Variants in PIWIL4 observed in about 807,000 individuals in gnomAD.
PIWIL4 encodes piwi-like protein 4.
Under a neutral mutation model 100.9 loss-of-function variants are expected in PIWIL4, and 50 were observed. The ratio of observed to expected loss-of-function variants is 0.50; its 90% CI spans 0.39 to 0.63. The LOEUF is 0.63. Ranked by LOEUF, PIWIL4 falls within the 20% of genes least tolerant of loss-of-function variation. The probability of loss-of-function intolerance (pLI) is 0.00; values close to 1 mark genes in which losing one functional copy is unlikely to be tolerated. For missense variants in PIWIL4, 887 were observed against 1,043.3 expected (o/e 0.85, Z 2.06); for synonymous variants, 342 against 367.5 (o/e 0.93, Z 0.79).
In PIWIL4 at chr11:94,614,810, G is replaced by A. The variant is rs919336111; in HGVS notation, c.1944-1683G>A. ...ACTTCTGGTTCTCACTTGGTGGGGG[G>A]ATCCTTAAAATTGCATGCACTTTCT... On this transcript the variant is annotated intron_variant, in intron 15 of 19. Transcript: ENST00000299001. 5.9e-5 allele frequency among the ~76,000 whole-genome samples: 9 copies of A among 152,248 alleles called. No individual in the cohort carries two copies. The South Asian group carries it at 1.7e-3, about 28-fold the overall frequency.
intron 4 of PIWIL4, among the ~76,000 whole-genome samples, chr11:94,583,044 A>ATGTGTGTGTGTGTG (rs58072951): frequency 2.4e-4 from 32 of 133,890 alleles, no homozygotes; most frequent in African/African-American, 8.0e-4. Context: ...ATATATATAT[A>ATGTGTGTGTGTGTG]TGTGTGTGTG....
intron 15 of PIWIL4, among the ~76,000 whole-genome samples, chr11:94,609,362 T>G (rs576151815): frequency 2.0e-5 from 3 of 152,316 alleles, no homozygotes; most frequent in Non-Finnish European, 4.4e-5. Context: ...CATTAAACTA[T>G]GGGTCTTAGA....
intron 15 of PIWIL4, among the ~76,000 whole-genome samples, chr11:94,614,297 TTTC>T (rs1374886446): frequency 1.2e-4 from 15 of 120,356 alleles, no homozygotes; most frequent in Non-Finnish European, 1.7e-4. Flanking sequence ...TGATTTTTCT[TTTC>T]TTTTTTTTTT....
Position 94,607,579 on chromosome 11 carries a change from C to G in PIWIL4, c.1779C>G (p.Thr593=), listed in dbSNP as rs772562816. The G allele has an allele frequency of 1.9e-6, 3 of 1,613,946 alleles. No individual in the cohort carries two copies. The African/African-American group carries it at 4.0e-5, about 22-fold the overall frequency. ...AGGGCATGATGATGAGTATCGCCAC[C>G]AAGATCGCTATGCAGATGACTTGCA... is the stretch of plus-strand genomic sequence containing the variant. ...NKQGMMMSIA[T]KIAMQMTCKL... is the part of the protein sequence containing the mutation. The change falls in exon 14 of 20, where the codon ACC becomes ACG. Residue 593 remains threonine, a synonymous_variant. Coordinates refer to ENST00000299001, the MANE Select transcript of PIWIL4 (RefSeq NM_152431.3).
intron 9 of PIWIL4, 50 bp from the exon 10 acceptor site, chr11:94,595,259 T>C: frequency 2.0e-6 from 3 of 1,511,608 alleles, no homozygotes; most frequent in Middle Eastern, 1.7e-4. Flanking sequence ...TTTGATGGGC[T>C]GAGTTGCTTA....
chr11:94,609,237 A>T (rs1948761611), intron 15 of PIWIL4, among the ~76,000 whole-genome samples: 1 of 152,220 alleles, frequency 6.6e-6, no homozygotes, highest in African/African-American at 2.4e-5. Context: ...TACTCAATAC[A>T]TACTTCTTGT....
At chr11:94,574,855 A>G in intron 2 of PIWIL4, 144 bp from the exon 3 acceptor site, 1 of 779,916 alleles carries the variant, frequency 1.3e-6, no homozygotes, top group Non-Finnish European at 2.1e-6. Context: ...AGACTTCTGT[A>G]ATAGTCATGA....
chr11:94,574,695 T>A (rs1948213938), intron 2 of PIWIL4, among the ~76,000 whole-genome samples: 4 of 152,124 alleles, frequency 2.6e-5, no homozygotes, highest in Admixed American at 2.6e-4. Flanking sequence ...TTGCCCAGGC[T>A]GGTCTCTAAC....
At chr11:94,580,246 A>G (rs1360468918) in intron 4 of PIWIL4, among the ~76,000 whole-genome samples, 1 of 152,218 alleles carries the variant, frequency 6.6e-6, no homozygotes. Context: ...CCTGTCACCC[A>G]GTTACAGTGC....
intron 15 of PIWIL4, among the ~76,000 whole-genome samples, chr11:94,612,319 T>G (rs1189951635): frequency 3.5e-4 from 53 of 149,712 alleles, no homozygotes; most frequent in East Asian, 2.0e-3. Flanking sequence ...TGTGAGGTTT[T>G]TTTTTTTTTT....
intron 10 of PIWIL4, among the ~76,000 whole-genome samples, chr11:94,596,657 T>A (rs12289463): frequency 0.012 from 1,764 of 152,224 alleles, 31 homozygotes; most frequent in African/African-American, 0.04. Flanking sequence ...TATGCCGAAT[T>A]GAGAAGGAAT....
chr11:94,569,914 T>C (rs1948126642), intron 2 of PIWIL4, among the ~76,000 whole-genome samples: 1 of 152,150 alleles, frequency 6.6e-6, no homozygotes, highest in Non-Finnish European at 1.5e-5. Context: ...CTATGCAATA[T>C]ATCCATGTAA....
At chr11:94,570,128 G>A (rs1169650957) in intron 2 of PIWIL4, among the ~76,000 whole-genome samples, 1 of 152,164 alleles carries the variant, frequency 6.6e-6, no homozygotes, top group Non-Finnish European at 1.5e-5. Context: ...TCACAGCAAA[G>A]CCAGATTTGG....
intron 8 of PIWIL4, among the ~76,000 whole-genome samples, chr11:94,590,502 A>G (rs1170276707): frequency 2.0e-5 from 3 of 152,196 alleles, no homozygotes; most frequent in Non-Finnish European, 4.4e-5. Flanking sequence ...TGGCTCAAAT[A>G]TAGTGCTTTT....
chr11:94,588,820 T>C (rs2155099), intron 7 of PIWIL4, among the ~76,000 whole-genome samples: 76,504 of 152,006 alleles, frequency 0.5, 21,155 homozygotes, highest in African/African-American at 0.75. Flanking sequence ...TCTGAACATT[T>C]AAGAATGATT....
intron 1 of PIWIL4, 193 bp downstream of exon 1, chr11:94,567,798 T>G: frequency 8.2e-7 from 1 of 1,219,884 alleles, no homozygotes; most frequent in Non-Finnish European, 1.0e-6. Flanking sequence ...GAGTAAGATA[T>G]TAACGTAGGT....
chr11:94,611,659 G>A, intron 15 of PIWIL4, among the ~76,000 whole-genome samples: 1 of 151,590 alleles, frequency 6.6e-6, no homozygotes, highest in African/African-American at 2.4e-5. Context: ...ATGGTAATGA[G>A]TGAGTTCTTG....
intron 7 of PIWIL4, 63 bp from the exon 8 acceptor site, chr11:94,589,058 G>T: frequency 1.7e-6 from 2 of 1,145,116 alleles, no homozygotes; most frequent in South Asian, 1.3e-5. Context: ...TTAAAAGTGT[G>T]GTGAAGTAGC....
chr11:94,608,832 T>C (rs1302114880), intron 15 of PIWIL4, 146 bp downstream of exon 15: 2 of 707,822 alleles, frequency 2.8e-6, no homozygotes, highest in East Asian at 5.4e-5. Context: ...CACTTACATA[T>C]AAAAATGTGA....
Sources: gnomAD v4.1 joint callset for allele counts (sites outside exome capture counted in the v4.1 genomes callset) on GRCh38, gnomAD v4.1.1 for gene constraint, MANE v1.5 for transcripts, NCBI Gene and HGNC (gene_info 2026-07-23, HGNC 2026-07-21) for gene names.